LONP2: variants seen among roughly 807,000 people sequenced by gnomAD.
LONP2 encodes lon peptidase 2, peroxisomal.
LONP2 carries 60 observed loss-of-function variants against 85.6 expected under a neutral mutation model. That is an observed-to-expected ratio of 0.70 (90% CI 0.57 to 0.87). The LOEUF (loss-of-function observed/expected upper bound fraction) is 0.87. LONP2 is among the 40% of genes least tolerant of loss of function. The pLI is 0.00. For synonymous variants in LONP2, 395 were observed against 389.7 expected, an observed-to-expected ratio of 1.01 and a Z score of -0.16; for missense variants, 860 against 1,063.5, an observed-to-expected ratio of 0.81 and a Z score of 2.66.
At chr16:48,265,107 T>G (rs1448357190) in intron 6 of LONP2, among the ~76,000 whole-genome samples, 1 of 152,228 alleles carries the variant, frequency 6.6e-6, no homozygotes, top group Non-Finnish European at 1.5e-5. Context: ...TTGTGTATTT[T>G]GGATATTAAC....
intron 5 of LONP2, among the ~76,000 whole-genome samples, chr16:48,262,496 T>C (rs1001401774): frequency 6.6e-6 from 1 of 152,078 alleles, no homozygotes; most frequent in Non-Finnish European, 1.5e-5. Flanking sequence ...ACTTAGAAAA[T>C]ATGAGAATAC....
chr16:48,303,181 A>T lies in LONP2; in HGVS notation c.1671A>T (p.Arg557Ser). The T allele has an allele frequency of 1.2e-6, 2 of 1,614,136 alleles. No homozygotes were observed. Among genetic ancestry groups the T allele is most frequent in the Non-Finnish European group, 1.7e-6 (2 of 1,180,004 alleles). The change falls in exon 11 of 15, where the codon AGA (arginine) becomes AGT (serine). Residue 557 changes from arginine to serine, a missense_variant. By Grantham distance (110) the Arg-to-Ser change is moderately radical (BLOSUM62 -1). Around this residue, in one of 3 missense-constraint regions of LONP2, gnomAD observed 743 missense variants for 917.3 expected, o/e 0.81. Coordinates refer to ENST00000285737, the MANE Select transcript of LONP2 (RefSeq NM_031490.5). ...TTTTGTTTGATGACAGGTATACCAG[A>T]GAGGCAGGGGTTCGTTCTCTGGATA... ...TTLDIITRYT[R>S]EAGVRSLDRK...
chr16:48,304,332 A>T (rs1261844058), intron 11 of LONP2, among the ~76,000 whole-genome samples: 1 of 152,224 alleles, frequency 6.6e-6, no homozygotes, highest in Non-Finnish European at 1.5e-5. Flanking sequence ...AATTTAAATT[A>T]TTCTTTAAAA....
intron 14 of LONP2, 111 bp from the exon 15 acceptor site, chr16:48,351,470 T>G: frequency 1.3e-6 from 1 of 787,294 alleles, no homozygotes; most frequent in African/African-American, 1.7e-5. Flanking sequence ...GGAAGATGAT[T>G]TGGATGTTTT....
rs2150973522 is a variant in LONP2, at chr16:48,266,503, C to A, written c.983-3513C>A. On this transcript the variant is annotated intron_variant, in intron 6 of 14. Coordinates refer to ENST00000285737, the MANE Select transcript of LONP2 (RefSeq NM_031490.5). Reference sequence around the variant, plus strand: ...AAGTTTCTTCATGCTCTTTGATAATCCCTTCCTTCTTCCCCGCCCCTTTCC... The same window carrying A: ...AAGTTTCTTCATGCTCTTTGATAATACCTTCCTTCTTCCCCGCCCCTTTCC... Among the ~76,000 whole-genome samples the A allele has an allele frequency of 2.0e-5, 3 of 152,114 alleles. No individual in the cohort carries two copies. In the Middle Eastern group the frequency reaches 0.01, roughly 521 times the overall value.
chr16:48,324,538 TG>T (rs1973330465), intron 11 of LONP2, among the ~76,000 whole-genome samples: 1 of 152,260 alleles, frequency 6.6e-6, no homozygotes, highest in Non-Finnish European at 1.5e-5. Flanking sequence ...TACTTTTCAC[TG>T]ATTAAAAATA....
chr16:48,361,805 G>A (rs764148723), downstream of LONP2: 57 of 1,614,002 alleles, frequency 3.5e-5, no homozygotes, highest in Admixed American at 7.3e-4. Flanking sequence ...TCAGCTGTAC[G>A]ATTGCGAAGA....
chr16:48,350,811 G>C (rs1414487044), intron 14 of LONP2, among the ~76,000 whole-genome samples: 1 of 152,166 alleles, frequency 6.6e-6, no homozygotes, highest in African/African-American at 2.4e-5. Context: ...TGCTTCCATG[G>C]TGGTTGACTC....
At chr16:48,291,312 G>A (rs958928330) in intron 8 of LONP2, among the ~76,000 whole-genome samples, 28 of 152,096 alleles carry the variant, frequency 1.8e-4, no homozygotes, top group East Asian at 7.7e-4. Context: ...AGTAGCTATC[G>A]ACAAAAGATA....
rs1960376056 is a variant in LONP2, at chr16:48,356,702, G to A, written c.*4900G>A. The A allele has an allele frequency of 2.6e-6, 1 of 386,148 alleles. No individual in the cohort carries two copies. Among genetic ancestry groups the A allele is most frequent in the Non-Finnish European group, 5.2e-6 (1 of 192,908 alleles). The allele number at this position is 386,148 out of a possible 1,614,324, so 23.9% of individuals were successfully genotyped here. On this transcript the variant is annotated 3_prime_UTR_variant, in exon 15 of 15. Coordinates refer to ENST00000285737, the MANE Select transcript of LONP2 (RefSeq NM_031490.5). Reference sequence around the variant, plus strand: ...TCAAAAAGGTCTGAATAGACAACAGGCAAATATGGTGAGTGGTCATTGAGA... The same window carrying A: ...TCAAAAAGGTCTGAATAGACAACAGACAAATATGGTGAGTGGTCATTGAGA...
At chr16:48,259,574 T>C (rs1971833648) in intron 4 of LONP2, among the ~76,000 whole-genome samples, 3 of 152,240 alleles carry the variant, frequency 2.0e-5, no homozygotes, top group Admixed American at 2.0e-4. Flanking sequence ...TTGAGAATTA[T>C]GTTAGCAATT....
At chr16:48,288,977 C>T (rs745642471) in intron 8 of LONP2, among the ~76,000 whole-genome samples, 12 of 152,090 alleles carry the variant, frequency 7.9e-5, no homozygotes, top group Non-Finnish European at 1.0e-4. Flanking sequence ...AATGAAAGCA[C>T]TGTGTTCTAA....
chr16:48,303,719 C>G (rs1025325150), intron 11 of LONP2, among the ~76,000 whole-genome samples: 3 of 152,126 alleles, frequency 2.0e-5, no homozygotes, highest in African/African-American at 7.2e-5. Flanking sequence ...AGTAGGGAAG[C>G]CGACAGTACA....
intron 6 of LONP2, among the ~76,000 whole-genome samples, chr16:48,268,816 G>A (rs891605291): frequency 3.3e-5 from 5 of 152,086 alleles, no homozygotes; most frequent in African/African-American, 1.2e-4. Flanking sequence ...GCTTAGCTAG[G>A]TTTTTTGGGG....
intron 12 of LONP2, chr16:48,334,737 G>A (rs1959587504): frequency 1.8e-6 from 1 of 544,606 alleles, no homozygotes; most frequent in African/African-American, 1.9e-5. Context: ...AGACACTGCT[G>A]GTCAGGTAAG....
intron 3 of LONP2, 46 bp from the exon 4 acceptor site, chr16:48,258,572 G>T (rs1298972408): frequency 1.3e-6 from 2 of 1,538,396 alleles, no homozygotes; most frequent in South Asian, 1.3e-5. Context: ...TTTTTGGATT[G>T]TGTGTTTCTG....
intron 12 of LONP2, among the ~76,000 whole-genome samples, chr16:48,340,577 A>C (rs1487416049): frequency 1.3e-5 from 2 of 152,228 alleles, no homozygotes; most frequent in East Asian, 3.8e-4. Flanking sequence ...GTAAGGTAAG[A>C]AGGCACACTT....
intron 11 of LONP2, among the ~76,000 whole-genome samples, chr16:48,329,207 C>T (rs941754031): frequency 1.3e-5 from 2 of 152,178 alleles, no homozygotes; most frequent in Admixed American, 1.3e-4. Context: ...TACCTGTGGT[C>T]AACCATCGTC....
At chr16:48,300,028 T>G (rs777018864) in intron 10 of LONP2, among the ~76,000 whole-genome samples, 1 of 152,228 alleles carries the variant, frequency 6.6e-6, no homozygotes, top group Non-Finnish European at 1.5e-5. Context: ...TAGGCAGAAG[T>G]TTACAGAGAA....
Sources: gnomAD v4.1 joint callset for allele counts (sites outside exome capture counted in the v4.1 genomes callset) on GRCh38, gnomAD v4.1.1 for gene constraint, gnomAD v4.1.1 regional missense constraint, MANE v1.5 for transcripts, NCBI Gene and HGNC (gene_info 2026-07-23, HGNC 2026-07-21) for gene names.